KSR1: variants seen among roughly 807,000 people sequenced by gnomAD.
KSR1 encodes kinase suppressor of ras 1.
In KSR1, 35 loss-of-function variants were observed where a neutral mutation model predicts 92.9. That is an observed-to-expected ratio of 0.38 (90% CI 0.29 to 0.50). The LOEUF (loss-of-function observed/expected upper bound fraction) is 0.50. Among genes scored for constraint, KSR1 ranks in the 20% least tolerant of loss-of-function variants. The probability of loss-of-function intolerance (pLI) is 0.94; values close to 1 mark genes in which losing one functional copy is unlikely to be tolerated. For missense variants in KSR1, 972 were observed against 1,158.5 expected (o/e 0.84, Z 2.34); for synonymous variants, 467 against 472.6 (o/e 0.99, Z 0.15).
chr17:27,622,046 C>A, intron 20 of KSR1: 1 of 954,546 alleles, frequency 1.0e-6, no homozygotes, highest in South Asian at 1.3e-5. Context: ...CAGGGGATGC[C>A]ACCTCTGCTG....
chr17:27,471,744 G>A (rs1567741388), intron 1 of KSR1, among the ~76,000 whole-genome samples: 1 of 152,198 alleles, frequency 6.6e-6, no homozygotes, highest in South Asian at 2.1e-4. Flanking sequence ...GAATATAAGA[G>A]TGAATGAGAG....
At chr17:27,478,147 C>G (rs905920873) in intron 1 of KSR1, among the ~76,000 whole-genome samples, 1 of 152,222 alleles carries the variant, frequency 6.6e-6, no homozygotes, top group African/African-American at 2.4e-5. Context: ...ACTTGGCACA[C>G]AGTAAGTGCT....
chr17:27,609,266 A>T lies in KSR1; in HGVS notation c.2162A>T (p.Asn721Ile). The change falls in exon 16 of 21, where the codon AAC (asparagine) becomes ATC (isoleucine). Residue 721 changes from asparagine (N) to isoleucine (I), a missense_variant. By Grantham distance (149) the Asn-to-Ile change is moderately radical (BLOSUM62 -3). Around this residue, in one of 5 missense-constraint regions of KSR1, gnomAD observed 260 missense variants for 375.2 expected, o/e 0.69. Coordinates refer to ENST00000644974, the MANE Select transcript of KSR1 (RefSeq NM_001394583.1). ...AAATCTAAGAACGTCTTCTATGACA[A>T]CGGCAAGGTGGTCATCACAGACTTC... ...DLKSKNVFYD[N>I]GKVVITDFGL... is the part of the protein sequence containing the mutation. 6.2e-7 allele frequency: 1 copy of T among 1,613,998 alleles called. No homozygotes were observed. Among genetic ancestry groups the T allele is most frequent in the Non-Finnish European group, 8.5e-7 (1 of 1,179,896 alleles).
intron 1 of KSR1, among the ~76,000 whole-genome samples, chr17:27,549,468 C>T (rs935142973): frequency 3.9e-5 from 6 of 152,214 alleles, no homozygotes; most frequent in East Asian, 3.9e-4. Flanking sequence ...CTCTGTATCC[C>T]GTGTTCCCCA....
At chr17:27,463,446 C>T (rs1209536962) in intron 1 of KSR1, among the ~76,000 whole-genome samples, 1 of 149,934 alleles carries the variant, frequency 6.7e-6, no homozygotes, top group African/African-American at 2.5e-5. Context: ...TGCATCATTG[C>T]ACTCCAGCCT....
Position 27,491,304 on chromosome 17 carries a change from GGTGTGTGTGTGTGTGT to G in KSR1, c.231+34463_231+34478del, listed in dbSNP as rs60738939. On this transcript the variant is annotated intron_variant, in intron 1 of 20. Coordinates refer to ENST00000644974, the MANE Select transcript of KSR1 (RefSeq NM_001394583.1). ...CAATCCTGGCTAATTTTTTGTTAGT[GGTGTGTGTGTGTGTGT>G]GTGTGTGTGTGTGTGTGTGTGTGTG... 4.2e-3 allele frequency among the ~76,000 whole-genome samples: 459 copies of G among 110,052 alleles called. 7 individuals are homozygous for G. Among genetic ancestry groups the G allele is most frequent in the South Asian group, 0.019 (55 of 2,872 alleles). The allele number at this position is 110,052 out of a possible 152,430, so 72.2% of individuals were successfully genotyped here. A position where few individuals can be genotyped will look rare whatever the true frequency, so the allele number is the denominator to read the frequency against.
At chr17:27,526,402 A>C in intron 1 of KSR1, 1 of 1,513,496 alleles carries the variant, frequency 6.6e-7, no homozygotes. Context: ...TGAATTGGGA[A>C]AGGGCCGGTT....
intron 2 of KSR1, chr17:27,566,596 A>G (rs1460854067): frequency 1.0e-5 from 4 of 399,126 alleles, no homozygotes; most frequent in Non-Finnish European, 1.8e-5. Context: ...GTCTGGGCGC[A>G]GGAGGCCATT....
intron 18 of KSR1, among the ~76,000 whole-genome samples, chr17:27,616,168 C>T (rs1353976531): frequency 1.3e-5 from 2 of 152,140 alleles, no homozygotes; most frequent in Non-Finnish European, 2.9e-5. Flanking sequence ...CAGCTGCTAC[C>T]TTTGAAAGCT....
chr17:27,539,991 T>G (rs747015210), intron 1 of KSR1, among the ~76,000 whole-genome samples: 13 of 152,270 alleles, frequency 8.5e-5, no homozygotes, highest in Non-Finnish European at 1.9e-4. Context: ...CAGTTGTTGC[T>G]GAGAAAACTC....
intron 1 of KSR1, among the ~76,000 whole-genome samples, chr17:27,537,860 G>A (rs887040144): frequency 2.6e-5 from 4 of 152,158 alleles, no homozygotes; most frequent in African/African-American, 4.8e-5. Flanking sequence ...ATAACTCAAC[G>A]TGCATCAAAA....
chr17:27,617,883 A>G (rs1030056907), intron 19 of KSR1: 1 of 164,426 alleles, frequency 6.1e-6, no homozygotes, highest in African/African-American at 2.4e-5. Context: ...AGAGGTGACT[A>G]GTCCCCTTGC....
At position 27,577,426 on chromosome 17, in the gene KSR1, A is replaced by C; in HGVS notation, c.373-66A>C. On this transcript the variant is annotated intron_variant, in intron 2 of 20. Coordinates refer to ENST00000644974, the MANE Select transcript of KSR1 (RefSeq NM_001394583.1). The surrounding 1 kb of genome is among the most constrained non-coding windows in gnomAD (Gnocchi z 4.5). Reference sequence around the variant, plus strand: ...TGCCACTCAGCAGGAGGCCAGCCTGAGGCTGAGGGGCTCCCGGCCCAGCCG... The same window carrying C: ...TGCCACTCAGCAGGAGGCCAGCCTGCGGCTGAGGGGCTCCCGGCCCAGCCG... 1 of 1,033,138 alleles carries C rather than the reference A, an allele frequency of 9.7e-7. No individual in the cohort carries two copies. The highest frequency in any genetic ancestry group is 1.4e-5 in the South Asian group (1 of 70,624). The allele number at this position is 1,033,138 out of a possible 1,614,324, so 64.0% of individuals were successfully genotyped here. A position where few individuals can be genotyped will look rare whatever the true frequency, so the allele number is the denominator to read the frequency against.
chr17:27,467,819 T>TG (rs1319616695), intron 1 of KSR1, among the ~76,000 whole-genome samples: 3 of 151,654 alleles, frequency 2.0e-5, no homozygotes, highest in Admixed American at 6.6e-5. Flanking sequence ...TTTTGTTTTT[T>TG]TTTTTTTTTG....
At chr17:27,490,201 A>G (rs1382914077) in intron 1 of KSR1, among the ~76,000 whole-genome samples, 1 of 152,222 alleles carries the variant, frequency 6.6e-6, no homozygotes, top group Non-Finnish European at 1.5e-5. Context: ...GAGAGGATCA[A>G]ATGGGATTAT....
At chr17:27,512,811 A>G (rs969000242) in intron 1 of KSR1, among the ~76,000 whole-genome samples, 6 of 152,178 alleles carry the variant, frequency 3.9e-5, no homozygotes, top group African/African-American at 1.4e-4. Context: ...TACTTTGTTT[A>G]TATTGTAAAA....
rs1346580683 is a variant in KSR1, at chr17:27,582,652, A to T, written c.527A>T (p.Glu176Val). The change falls in exon 4 of 21, where the codon GAG (glutamate) becomes GTG (valine). Residue 176 changes from glutamate (E) to valine (V), a missense_variant. Around this residue, in one of 5 missense-constraint regions of KSR1, gnomAD observed 611 missense variants for 668.0 expected, o/e 0.91. Transcript: ENST00000644974. ...CLRKVTGLGGEHKEDSSWSSL... is the reference protein window; with the variant it reads ...CLRKVTGLGGVHKEDSSWSSL... ...TCCACGTCTTGGTCCACAGGAGGGG[A>T]GCACAAGGAGGACTCCAGTTGGAGT... 2 of 1,606,030 alleles carry T rather than the reference A, an allele frequency of 1.2e-6. No individual in the cohort carries two copies. Among genetic ancestry groups the T allele is most frequent in the Non-Finnish European group, 1.7e-6 (2 of 1,174,626 alleles).
At chr17:27,567,805 T>C (rs1020831945) in intron 2 of KSR1, among the ~76,000 whole-genome samples, 6 of 152,330 alleles carry the variant, frequency 3.9e-5, no homozygotes, top group African/African-American at 1.2e-4. Flanking sequence ...CTGGCAAGTG[T>C]GTCTGGACAC....
intron 16 of KSR1, 98 bp downstream of exon 16, chr17:27,609,427 G>GGGAGGGCTGCAGCT: frequency 1.3e-6 from 2 of 1,501,040 alleles, no homozygotes; most frequent in Non-Finnish European, 1.8e-6. Context: ...CTGAGCTGCA[G>GGGAGGGCTGCAGCT]CCCTCCCTGC....
Sources: allele counts gnomAD v4.1 joint callset (sites outside exome capture counted in the v4.1 genomes callset), GRCh38; gene constraint gnomAD v4.1.1; regional missense constraint gnomAD v4.1.1; non-coding constraint Gnocchi (gnomAD v3.1); transcripts MANE v1.5; gene names NCBI Gene and HGNC (gene_info 2026-07-23, HGNC 2026-07-21).